Variants in RAPGEF4 observed in about 807,000 individuals in gnomAD.
RAPGEF4 encodes Rap guanine nucleotide exchange factor 4.
Under a neutral mutation model 147.9 loss-of-function variants are expected in RAPGEF4, and 66 were observed. The observed-to-expected ratio is 0.45, with a 90% CI of 0.37 to 0.55. The LOEUF (loss-of-function observed/expected upper bound fraction) is 0.55, where lower values mean the gene tolerates loss of function less well. Among genes scored for constraint, RAPGEF4 ranks in the 20% least tolerant of loss-of-function variants. RAPGEF4 has a pLI of 0.00. For synonymous variants in RAPGEF4, 419 were observed against 442.7 expected (o/e 0.95, Z 0.67); for missense variants, 1,071 against 1,257.3 (o/e 0.85, Z 2.24).
At chr2:172,812,598 C>T (rs553811882) in intron 3 of RAPGEF4, among the ~76,000 whole-genome samples, 2 of 152,264 alleles carry the variant, frequency 1.3e-5, no homozygotes, top group South Asian at 4.1e-4. Flanking sequence ...CTGATTAATC[C>T]ATAAACTGTA....
intron 26 of RAPGEF4, among the ~76,000 whole-genome samples, chr2:173,033,266 G>A (rs1214426018): frequency 6.6e-6 from 1 of 152,156 alleles, no homozygotes; most frequent in Non-Finnish European, 1.5e-5. Flanking sequence ...AAGGAGGCAG[G>A]GGATGTGAAT....
At chr2:172,816,476 T>C (rs1388860091) in intron 4 of RAPGEF4, among the ~76,000 whole-genome samples, 1 of 152,218 alleles carries the variant, frequency 6.6e-6, no homozygotes, top group African/African-American at 2.4e-5. Flanking sequence ...CCAAACATTT[T>C]TGGCAAGAAA....
In RAPGEF4 at chr2:172,898,129, G is replaced by T. The variant is rs531256485; in HGVS notation, c.445-19673G>T. 2.7e-4 allele frequency among the ~76,000 whole-genome samples: 41 copies of T among 152,286 alleles called. No homozygotes were observed. The Middle Eastern group carries it at 0.014, about 51-fold the overall frequency. On this transcript the variant is annotated intron_variant, in intron 4 of 30. Coordinates refer to ENST00000397081, the MANE Select transcript of RAPGEF4 (RefSeq NM_007023.4). ...AAAAAGAGGGATGTGGGACCAGGTG[G>T]ATTTCTGTACAGGAGGTTGGGGGAT...
At chr2:172,963,094 G>A (rs1301017941) in intron 8 of RAPGEF4, among the ~76,000 whole-genome samples, 5 of 152,030 alleles carry the variant, frequency 3.3e-5, no homozygotes, top group African/African-American at 1.2e-4. Context: ...AGAAGGGGGT[G>A]GTGCCACACA....
chr2:172,944,140 CTCCG>C (rs1439617502), intron 6 of RAPGEF4, among the ~76,000 whole-genome samples: 1 of 152,176 alleles, frequency 6.6e-6, no homozygotes, highest in Non-Finnish European at 1.5e-5. Flanking sequence ...CTGCCTTCTG[CTCCG>C]TCCTTCCTTC....
chr2:173,022,608 C>G (rs1458293855), intron 23 of RAPGEF4, among the ~76,000 whole-genome samples: 1 of 152,250 alleles, frequency 6.6e-6, no homozygotes, highest in African/African-American at 2.4e-5. Context: ...AGGGTCTGCT[C>G]TGTGCTTGGG....
chr2:173,014,839 G>T (rs1416745292), intron 18 of RAPGEF4, among the ~76,000 whole-genome samples: 1 of 152,102 alleles, frequency 6.6e-6, no homozygotes, highest in African/African-American at 2.4e-5. Flanking sequence ...TTTTCATCTA[G>T]TCTCTTTTTC....
chr2:173,044,896 T>C (rs893784766), intron 29 of RAPGEF4, among the ~76,000 whole-genome samples: 3 of 152,160 alleles, frequency 2.0e-5, no homozygotes, highest in Non-Finnish European at 2.9e-5. Flanking sequence ...ATCTGTGCTT[T>C]GGAGTAATCA....
intron 16 of RAPGEF4, 111 bp from the exon 17 acceptor site, chr2:173,001,155 C>A: frequency 6.7e-7 from 1 of 1,493,130 alleles, no homozygotes. Flanking sequence ...AACTCATGCC[C>A]CAAACCAATG....
chr2:172,841,143 G>A (rs1424559959), intron 4 of RAPGEF4, among the ~76,000 whole-genome samples: 2 of 152,220 alleles, frequency 1.3e-5, no homozygotes, highest in Admixed American at 6.5e-5. Context: ...ACTGTTGGAG[G>A]TGGGGCCTGT....
chr2:173,021,063 T>C (rs542287507), intron 23 of RAPGEF4, among the ~76,000 whole-genome samples: 50 of 152,332 alleles, frequency 3.3e-4, no homozygotes, highest in Middle Eastern at 3.4e-3. Context: ...TATCACTATT[T>C]ATCAGGCTCC....
rs1689068680 is a variant in RAPGEF4, at chr2:172,821,642, G to T, written c.444+7217G>T. On this transcript the variant is annotated intron_variant, in intron 4 of 30. Transcript: ENST00000397081. Reference sequence around the variant, plus strand: ...GACTTGGACTTATGTCTGCACCAGGGTCTCATTCCTGTGTCTTCAAGCTTT... The same window carrying T: ...GACTTGGACTTATGTCTGCACCAGGTTCTCATTCCTGTGTCTTCAAGCTTT... The T allele has an allele frequency of 1.3e-5, 13 of 1,020,638 alleles. No individual in the cohort carries two copies. In the South Asian group the frequency reaches 2.2e-4, roughly 17 times the overall value. 63.2% of individuals were successfully genotyped at this position (1,020,638 alleles called of 1,614,324 possible). A position where few individuals can be genotyped will look rare whatever the true frequency, so the allele number is the denominator to read the frequency against.
intron 4 of RAPGEF4, among the ~76,000 whole-genome samples, chr2:172,905,847 A>T (rs757404658): frequency 6.6e-6 from 1 of 152,264 alleles, no homozygotes; most frequent in South Asian, 2.1e-4. Context: ...GTGCCCCATT[A>T]TGCGGATGCT....
chr2:172,837,212 G>C (rs1330879323), intron 4 of RAPGEF4, among the ~76,000 whole-genome samples: 2 of 152,116 alleles, frequency 1.3e-5, no homozygotes, highest in African/African-American at 4.8e-5. Flanking sequence ...TATGACTAAT[G>C]CTTGCTATGG....
At chr2:173,025,799 A>T (rs761367503) in intron 23 of RAPGEF4, among the ~76,000 whole-genome samples, 9 of 152,228 alleles carry the variant, frequency 5.9e-5, no homozygotes, top group Non-Finnish European at 1.0e-4. Context: ...ATATAAATCT[A>T]TTGCATTATA....
In RAPGEF4 at chr2:172,843,242, A is replaced by G. The variant is rs185163867; in HGVS notation, c.444+28817A>G. On this transcript the variant is annotated intron_variant, in intron 4 of 30. Transcript: ENST00000397081. ...TACCAGGAATAATACGATGTTCAAA[A>G]TACTTGGATAAGAGGAAAAGGGGAA... is the stretch of plus-strand genomic sequence containing the variant. Among the ~76,000 whole-genome samples the G allele has an allele frequency of 3.3e-5, 5 of 152,352 alleles. No homozygotes were observed. In the East Asian group the frequency reaches 9.6e-4, roughly 29 times the overall value.
At chr2:172,980,839 C>T (rs775650388) in intron 10 of RAPGEF4, among the ~76,000 whole-genome samples, 15 of 151,956 alleles carry the variant, frequency 9.9e-5, no homozygotes, top group Non-Finnish European at 1.6e-4. Context: ...TGTGCAGAAG[C>T]GGGGTCTCAC....
intron 15 of RAPGEF4, among the ~76,000 whole-genome samples, chr2:172,992,256 TTA>T (rs1431727292): frequency 6.6e-6 from 1 of 152,230 alleles, no homozygotes; most frequent in Non-Finnish European, 1.5e-5. Context: ...TCCTTATTAT[TTA>T]TTGTTTTCTA....
At position 172,967,350 on chromosome 2, in the gene RAPGEF4, GAGA is replaced by G. The variant is rs1186346013; in HGVS notation, c.916_918del (p.Lys306del). Reference sequence around the variant, plus strand: ...GGATGCCCCTTTGCCTACTGAGGAGGAGAAGAAGGAGTGTGATGAGGAGCTCCA... The same window carrying G: ...GGATGCCCCTTTGCCTACTGAGGAGGAGAAGGAGTGTGATGAGGAGCTCCA... On this transcript the variant is annotated inframe_deletion, in exon 10 of 31. Transcript: ENST00000397081. 3.1e-6 allele frequency: 5 copies of G among 1,612,038 alleles called. No homozygotes were observed. Among genetic ancestry groups the G allele is most frequent in the Non-Finnish European group, 3.4e-6 (4 of 1,179,814 alleles).
Sources: allele counts gnomAD v4.1 joint callset (sites outside exome capture counted in the v4.1 genomes callset), GRCh38; gene constraint gnomAD v4.1.1; transcripts MANE v1.5; gene names NCBI Gene and HGNC (gene_info 2026-07-23, HGNC 2026-07-21).